DNM2: variants seen among roughly 807,000 people sequenced by gnomAD.
DNM2 encodes the protein dynamin 2, also known as dynamin-2.
DNM2 carries 15 observed loss-of-function variants against 99.0 expected under a neutral mutation model. The ratio of observed to expected loss-of-function variants is 0.15; its 90% CI spans 0.10 to 0.23. The LOEUF is 0.23. DNM2 is among the 10% of genes least tolerant of loss of function. The pLI is 1.00. For missense variants in DNM2, 742 were observed against 1,189.4 expected (o/e 0.62, Z 5.53); for synonymous variants, 525 against 481.2 (o/e 1.09, Z -1.19).
chr19:10,750,428 A>G (rs2070152069), intron 1 of DNM2, among the ~76,000 whole-genome samples: 1 of 151,940 alleles, frequency 6.6e-6, no homozygotes, highest in South Asian at 2.1e-4. Flanking sequence ...GCAGTGAGGT[A>G]TGATTGTGCC....
rs2071718073 is a variant in DNM2 at position 10,790,562 on chromosome 19, G to A, written c.993-3158G>A. Among the ~76,000 whole-genome samples, 4 of 152,054 alleles carry A rather than the reference G, an allele frequency of 2.6e-5. No individual in the cohort carries two copies. The East Asian group carries it at 7.7e-4, about 29-fold the overall frequency. On this transcript the variant is annotated intron_variant, in intron 7 of 20. Coordinates refer to ENST00000389253, the MANE Select transcript of DNM2 (RefSeq NM_001005361.3). ...ATCTCAGCTCACTGCAACCTCCCAG[G>A]TTCAAGCGATTCTCCTGTCTCAGCC...
intron 11 of DNM2, among the ~76,000 whole-genome samples, 162 bp from the exon 12 acceptor site, chr19:10,802,126 C>T (rs528499478): frequency 6.6e-6 from 1 of 152,154 alleles, no homozygotes; most frequent in East Asian, 1.9e-4. Context: ...GCTCTGTTGC[C>T]TATGAGGGTG....
Position 10,797,265 on chromosome 19 carries a change from T to C in DNM2, c.1197-115T>C, listed in dbSNP as rs1000101949. 1.2e-5 allele frequency: 18 copies of C among 1,462,428 alleles called. No homozygotes were observed. The African/African-American group carries it at 2.2e-4, about 18-fold the overall frequency. The allele number at this position is 1,462,428 out of a possible 1,614,324, so 90.6% of individuals were successfully genotyped here. A position where few individuals can be genotyped will look rare whatever the true frequency, so the allele number is the denominator to read the frequency against. On this transcript the variant is annotated intron_variant, in intron 9 of 20. Transcript: ENST00000389253. ...ATGCGGGCGCAGGCTCCCCCATGCA[T>C]GGACTAATCAGATGACTCTCGTTTC...
chr19:10,740,079 T>C (rs958357808), intron 1 of DNM2, among the ~76,000 whole-genome samples: 15 of 152,060 alleles, frequency 9.9e-5, no homozygotes, highest in Admixed American at 8.5e-4. Flanking sequence ...TATTCCCTTA[T>C]CATCTTTTTT....
rs1369701362 is a variant in DNM2, at chr19:10,764,955, CTTTTTCTTTTTTTTT to C, written c.235+5150_235+5164del. Among the ~76,000 whole-genome samples the C allele has an allele frequency of 6.6e-6, 1 of 150,864 alleles. No homozygotes were observed. The highest frequency in any genetic ancestry group is 2.4e-5 in the African/African-American group (1 of 41,194). Reference sequence around the variant, plus strand: ...ACGAGTTATCCTGTTCTTGTTTTTTCTTTTTCTTTTTTTTTTTTTTTTGAGATGGAGTCTCGCTGT... The same window carrying C: ...ACGAGTTATCCTGTTCTTGTTTTTTCTTTTTTTGAGATGGAGTCTCGCTGT... On this transcript the variant is annotated intron_variant, in intron 2 of 20. Coordinates refer to ENST00000389253, the MANE Select transcript of DNM2 (RefSeq NM_001005361.3). This position sits in a 1 kb window ranked among gnomAD's most constrained non-coding sequence, Gnocchi z 4.1.
chr19:10,736,953 C>T (rs1414671362), intron 1 of DNM2, among the ~76,000 whole-genome samples: 2 of 152,122 alleles, frequency 1.3e-5, no homozygotes, highest in East Asian at 3.8e-4. Flanking sequence ...ACGAGACCAG[C>T]CTGGGCAACA....
At chr19:10,788,246 A>G (rs796735758) in intron 7 of DNM2, among the ~76,000 whole-genome samples, 2 of 151,974 alleles carry the variant, frequency 1.3e-5, no homozygotes, top group African/African-American at 4.8e-5. Flanking sequence ...AAAAAAAAAA[A>G]AAAAAGAAGT....
At chr19:10,719,352 A>C (rs748108551) in intron 1 of DNM2, among the ~76,000 whole-genome samples, 1 of 152,104 alleles carries the variant, frequency 6.6e-6, no homozygotes, top group African/African-American at 2.4e-5. Context: ...GTGCTAGAAC[A>C]CAGGGGCCCG....
At position 10,760,786 on chromosome 19, in the gene DNM2, G is replaced by T. The variant is rs142123317; in HGVS notation, c.235+975G>T. Among the ~76,000 whole-genome samples, 492 of 147,998 alleles carry T rather than the reference G, an allele frequency of 3.3e-3. 4 individuals carry two copies. The highest frequency in any genetic ancestry group is 0.012 in the African/African-American group (469 of 40,138). On this transcript the variant is annotated intron_variant, in intron 2 of 20. Coordinates refer to ENST00000389253, the MANE Select transcript of DNM2 (RefSeq NM_001005361.3). ...CAATCCTCTCCAATCAGCCTCTCGG[G>T]TAGCTAGGATTACAGGTGCACACAC... is the stretch of plus-strand genomic sequence containing the variant.
chr19:10,792,782 A>G (rs2071799416), intron 7 of DNM2, among the ~76,000 whole-genome samples: 1 of 151,908 alleles, frequency 6.6e-6, no homozygotes, highest in Non-Finnish European at 1.5e-5. Flanking sequence ...TCGTTTTTGT[A>G]TTTTTAGTAG....
chr19:10,785,284 ATTTTT>A (rs779391429), intron 6 of DNM2, among the ~76,000 whole-genome samples: 1 of 141,256 alleles, frequency 7.1e-6, no homozygotes, highest in Non-Finnish European at 1.6e-5. Context: ...CACCCGGCTA[ATTTTT>A]TTTTTTTTTT....
chr19:10,819,841 C>T, intron 15 of DNM2, 139 bp from the exon 16 acceptor site: 1 of 783,114 alleles, frequency 1.3e-6, no homozygotes, highest in Non-Finnish European at 2.3e-6. Context: ...GAAGGGCCGG[C>T]AGATGGGCTC....
In DNM2 at chr19:10,831,730, T is replaced by C. The variant is rs981612915; in HGVS notation, c.*683T>C. ...TGGGCTTGGGCTATGTGGGTGGTGG[T>C]GGCGGGGGGTCTTGGGGGCCTCTCA... On this transcript the variant is annotated 3_prime_UTR_variant, in exon 21 of 21. Coordinates refer to ENST00000389253, the MANE Select transcript of DNM2 (RefSeq NM_001005361.3). This position sits in a 1 kb window ranked among gnomAD's most constrained non-coding sequence, Gnocchi z 4.3. 2 of 986,226 alleles carry C rather than the reference T, an allele frequency of 2.0e-6. No homozygotes were observed. The highest frequency in any genetic ancestry group is 4.7e-5 in the South Asian group (1 of 21,324). The allele number at this position is 986,226 out of a possible 1,614,324, so 61.1% of individuals were successfully genotyped here. A position where few individuals can be genotyped will look rare whatever the true frequency, so the allele number is the denominator to read the frequency against.
intron 11 of DNM2, among the ~76,000 whole-genome samples, chr19:10,801,925 CA>C (rs141535708): frequency 4.2e-5 from 6 of 144,276 alleles, no homozygotes; most frequent in Admixed American, 2.8e-4. Context: ...AAAAAAAAAA[CA>C]AAAAAAACAA....
At chr19:10,791,526 C>A (rs2071752064) in intron 7 of DNM2, among the ~76,000 whole-genome samples, 1 of 152,128 alleles carries the variant, frequency 6.6e-6, no homozygotes, top group Non-Finnish European at 1.5e-5. Context: ...AGGATTCAAC[C>A]CGAATTCCGC....
intron 12 of DNM2, chr19:10,803,559 C>T (rs1170358151): frequency 1.1e-6 from 1 of 915,888 alleles, no homozygotes; most frequent in East Asian, 1.2e-4. Flanking sequence ...ACTTCATCCA[C>T]AGTTCCTTCT....
chr19:10,790,767 C>A (rs2071727203), intron 7 of DNM2, among the ~76,000 whole-genome samples: 2 of 152,182 alleles, frequency 1.3e-5, no homozygotes, highest in South Asian at 4.2e-4. Context: ...CATGCCCGGA[C>A]CTCATGTATT....
intron 1 of DNM2, among the ~76,000 whole-genome samples, chr19:10,743,058 C>T (rs1009405856): frequency 1.3e-5 from 2 of 151,782 alleles, no homozygotes; most frequent in African/African-American, 2.4e-5. Context: ...GGACCACAGG[C>T]GTGTGCCACC....
intron 7 of DNM2, among the ~76,000 whole-genome samples, chr19:10,792,466 T>C (rs922968217): frequency 1.3e-5 from 2 of 152,216 alleles, no homozygotes; most frequent in Non-Finnish European, 2.9e-5. Context: ...ATCATCCTAC[T>C]TTTTTACTAT....
Sources: allele counts gnomAD v4.1 joint callset (sites outside exome capture counted in the v4.1 genomes callset), GRCh38; gene constraint gnomAD v4.1.1; non-coding constraint Gnocchi (gnomAD v3.1); transcripts MANE v1.5; gene names NCBI Gene and HGNC (gene_info 2026-07-23, HGNC 2026-07-21).